KCNIP2: variants seen among roughly 807,000 people sequenced by gnomAD.
KCNIP2 encodes the protein A-type potassium channel modulatory protein KCNIP2.
Under a neutral mutation model 39.0 loss-of-function variants are expected in KCNIP2, and 19 were observed. The observed-to-expected ratio is 0.49, with a 90% CI of 0.34 to 0.71. The LOEUF (loss-of-function observed/expected upper bound fraction) is 0.71, where lower values mean the gene tolerates loss of function less well. Among genes scored for constraint, KCNIP2 ranks in the 30% least tolerant of loss-of-function variants. The probability of loss-of-function intolerance (pLI) is 0.01; values close to 1 mark genes in which losing one functional copy is unlikely to be tolerated. For synonymous variants in KCNIP2, 111 were observed against 131.2 expected (o/e 0.85, Z 1.05); for missense variants, 261 against 346.0 (o/e 0.75, Z 1.95).
intron 2 of KCNIP2, 107 bp from the exon 3 acceptor site, chr10:101,830,004 G>T: frequency 7.6e-7 from 1 of 1,309,516 alleles, no homozygotes. Flanking sequence ...CCCGTGCAAA[G>T]GCACACCCAA....
In KCNIP2 at chr10:101,838,461, A is replaced by G. The variant is rs2066227468; in HGVS notation, c.73+5035T>C. On this transcript the variant is annotated intron_variant, in intron 1 of 9. Coordinates refer to ENST00000356640, the MANE Select transcript of KCNIP2 (RefSeq NM_173191.3). This position sits in a 1 kb window ranked among gnomAD's most constrained non-coding sequence, Gnocchi z 4.0. The stretch of plus-strand genomic sequence containing the variant: ...GTTAACCCAGCCAGTGAAGACCTCA[A>G]AGCCCTTCTCTCAGTCCCCCAGACC... Among the ~76,000 whole-genome samples the G allele has an allele frequency of 6.6e-6, 1 of 151,820 alleles. No homozygotes were observed. The highest frequency in any genetic ancestry group is 1.5e-5 in the Non-Finnish European group (1 of 67,968).
At position 101,827,427 on chromosome 10, in the gene KCNIP2, A is replaced by G. The variant is rs760428658; in HGVS notation, c.766-27T>C. The G allele has an allele frequency of 1.9e-6, 3 of 1,594,314 alleles. No homozygotes were observed. In the South Asian group the frequency reaches 3.3e-5, roughly 18 times the overall value. ...TGTGGCCATGATGTGAGCGAGGCAGATTGAAGAGAGAGAAAGAGAAGGAGC... is the reference window on the plus strand; with the variant it reads ...TGTGGCCATGATGTGAGCGAGGCAGGTTGAAGAGAGAGAAAGAGAAGGAGC... On this transcript the variant is annotated intron_variant, in intron 9 of 9. Coordinates refer to ENST00000356640, the MANE Select transcript of KCNIP2 (RefSeq NM_173191.3).
intron 2 of KCNIP2, chr10:101,830,357 C>A: frequency 8.0e-7 from 1 of 1,245,584 alleles, no homozygotes; most frequent in Non-Finnish European, 1.0e-6. Context: ...GGGGCATAGG[C>A]AACACACATC....
Position 101,828,886 on chromosome 10 carries a change from C to T in KCNIP2, c.348+189G>A, listed in dbSNP as rs1221770693. ...CACAAATAAAAAACATGGAACGAAACTGACAGTCTACAGGCGCCACTTCCG... is the reference window on the plus strand; with the variant it reads ...CACAAATAAAAAACATGGAACGAAATTGACAGTCTACAGGCGCCACTTCCG... On this transcript the variant is annotated intron_variant, in intron 4 of 9. Coordinates refer to ENST00000356640, the MANE Select transcript of KCNIP2 (RefSeq NM_173191.3). The surrounding 1 kb of genome is among the most constrained non-coding windows in gnomAD (Gnocchi z 6.6). 4 of 1,542,514 alleles carry T rather than the reference C, an allele frequency of 2.6e-6. No individual in the cohort carries two copies. The highest frequency in any genetic ancestry group is 3.5e-6 in the Non-Finnish European group (4 of 1,143,288).
intron 1 of KCNIP2, among the ~76,000 whole-genome samples, chr10:101,840,954 C>T (rs2135211746): frequency 6.6e-6 from 1 of 152,354 alleles, no homozygotes. Flanking sequence ...CTCTCCGCAT[C>T]TTCTCTTGGC....
chr10:101,829,378 C>G (rs2065876146), intron 3 of KCNIP2, 179 bp from the exon 4 acceptor site: 1 of 761,244 alleles, frequency 1.3e-6, no homozygotes, highest in Admixed American at 3.3e-5. Flanking sequence ...TGATGGCCAT[C>G]TTCGAGGTCT....
In KCNIP2 at chr10:101,827,935, G is replaced by T; in HGVS notation, c.656C>A (p.Ala219Glu). ...TTCCCTTGGGGCCTCCTCCCGGAGT[G>T]CAGGGTACGTGTACTTGCCCATCAT... The part of the protein sequence containing the change: ...YDMMGKYTYP[A>E]LREEAPREHV... The change falls in exon 8 of 10, where the codon GCA becomes GAA. Residue 219 changes from alanine (A) to glutamate (E), a missense_variant. Coordinates refer to ENST00000356640, the MANE Select transcript of KCNIP2 (RefSeq NM_173191.3). The T allele has an allele frequency of 6.2e-7, 1 of 1,614,086 alleles. No individual in the cohort carries two copies.
chr10:101,830,187 G>C (rs190182205), intron 2 of KCNIP2, among the ~76,000 whole-genome samples: 1 of 152,312 alleles, frequency 6.6e-6, no homozygotes, highest in African/African-American at 2.4e-5. Flanking sequence ...GATCCTATGA[G>C]GTGGGCAAGG....
In KCNIP2 at chr10:101,827,243, C is replaced by G. The variant is rs1219703613; in HGVS notation, c.*110G>C. On this transcript the variant is annotated 3_prime_UTR_variant, in exon 10 of 10. Coordinates refer to ENST00000356640, the MANE Select transcript of KCNIP2 (RefSeq NM_173191.3). ...CCCAAGCTCTTGGATCCCTCCAGCC[C>G]CCAGGGAGGCGTAGGATGAGGATAG... 2.9e-6 allele frequency: 4 copies of G among 1,371,124 alleles called. No homozygotes were observed. The African/African-American group carries it at 4.4e-5, about 15-fold the overall frequency. The allele number at this position is 1,371,124 out of a possible 1,614,324, so 84.9% of individuals were successfully genotyped here. A position where few individuals can be genotyped will look rare whatever the true frequency, so the allele number is the denominator to read the frequency against.
At chr10:101,832,347 T>A (rs1279269111) in intron 1 of KCNIP2, among the ~76,000 whole-genome samples, 1 of 150,642 alleles carries the variant, frequency 6.6e-6, no homozygotes, top group Non-Finnish European at 1.5e-5. Flanking sequence ...TGTGTCTGTG[T>A]CTCCCAGCTG....
chr10:101,832,330 G>GTGTC (rs972174802), intron 1 of KCNIP2, among the ~76,000 whole-genome samples: 2 of 150,906 alleles, frequency 1.3e-5, no homozygotes, highest in African/African-American at 4.9e-5. Flanking sequence ...GTGTGTGTGT[G>GTGTC]TGTGTGTGTG....
chr10:101,826,834 CCA>C lies in KCNIP2; in HGVS notation c.*517_*518del, dbSNP rs2065762616. On this transcript the variant is annotated 3_prime_UTR_variant, in exon 10 of 10. Coordinates refer to ENST00000356640, the MANE Select transcript of KCNIP2 (RefSeq NM_173191.3). ...CAGGCCCTTCTATTCTCAACCCCAG[CCA>C]CCTCCTAGGACCTATCCATTGACTC... The C allele has an allele frequency of 6.5e-6, 1 of 153,346 alleles. No homozygotes were observed. Among genetic ancestry groups the C allele is most frequent in the East Asian group, 1.9e-4 (1 of 5,200 alleles). 9.5% of individuals were successfully genotyped at this position (153,346 alleles called of 1,614,324 possible). A position where few individuals can be genotyped will look rare whatever the true frequency, so the allele number is the denominator to read the frequency against.
chr10:101,826,769 G>C lies in KCNIP2; in HGVS notation c.*584C>G, dbSNP rs1336996602. 6.6e-6 allele frequency: 1 copy of C among 152,318 alleles called. No individual in the cohort carries two copies. Among genetic ancestry groups the C allele is most frequent in the Non-Finnish European group, 1.5e-5 (1 of 68,128 alleles). The allele number at this position is 152,318 out of a possible 1,614,324, so 9.4% of individuals were successfully genotyped here. On this transcript the variant is annotated 3_prime_UTR_variant, in exon 10 of 10. Transcript: ENST00000356640. ...CTGTGGTAGCAGACCTGTGGAACTT[G>C]GAGCTATAACCTGGTATGCCTGAGC...
chr10:101,828,759 C>A lies in KCNIP2; in HGVS notation c.349-63G>T. The A allele has an allele frequency of 1.2e-6, 2 of 1,613,042 alleles. No individual in the cohort carries two copies. Among genetic ancestry groups the A allele is most frequent in the Non-Finnish European group, 1.7e-6 (2 of 1,179,296 alleles). ...AATCCCCTTCCGTTCACCGCCCCCA[C>A]CCTCCATGGCCCAAGACTCCCAGGG... is the stretch of plus-strand genomic sequence containing the variant. On this transcript the variant is annotated intron_variant, in intron 4 of 9. Coordinates refer to ENST00000356640, the MANE Select transcript of KCNIP2 (RefSeq NM_173191.3). The surrounding 1 kb of genome is among the most constrained non-coding windows in gnomAD (Gnocchi z 6.6).
chr10:101,830,032 G>T, intron 2 of KCNIP2, 135 bp from the exon 3 acceptor site: 2 of 998,392 alleles, frequency 2.0e-6, no homozygotes, highest in Non-Finnish European at 3.0e-6. Context: ...AGACACACAC[G>T]AAACGGACCC....
chr10:101,835,398 TG>T (rs2066122253), intron 1 of KCNIP2, among the ~76,000 whole-genome samples: 1 of 152,048 alleles, frequency 6.6e-6, no homozygotes, highest in East Asian at 1.9e-4. Context: ...CAGGACCCTC[TG>T]GGGAGGGGAC....
At position 101,828,822 on chromosome 10, in the gene KCNIP2, G is replaced by C. The variant is rs1226773223; in HGVS notation, c.349-126C>G. 1 of 1,583,140 alleles carries C rather than the reference G, an allele frequency of 6.3e-7. No homozygotes were observed. The highest frequency in any genetic ancestry group is 1.8e-5 in the Admixed American group (1 of 54,344). On this transcript the variant is annotated intron_variant, in intron 4 of 9. Transcript: ENST00000356640. This position sits in a 1 kb window ranked among gnomAD's most constrained non-coding sequence, Gnocchi z 6.6. The stretch of plus-strand genomic sequence containing the variant: ...TTCAAGCCTCCAGAGGACTCACCAC[G>C]TGGCTCATGTGATGGGAGGGAAGAC...
Position 101,843,451 on chromosome 10 carries a change from A to C in KCNIP2, c.73+45T>G. 7.5e-7 allele frequency: 1 copy of C among 1,328,396 alleles called. No individual in the cohort carries two copies. The highest frequency in any genetic ancestry group is 1.0e-6 in the Non-Finnish European group (1 of 973,098). 82.3% of individuals were successfully genotyped at this position (1,328,396 alleles called of 1,614,324 possible). A position where few individuals can be genotyped will look rare whatever the true frequency, so the allele number is the denominator to read the frequency against. On this transcript the variant is annotated intron_variant, in intron 1 of 9. Coordinates refer to ENST00000356640, the MANE Select transcript of KCNIP2 (RefSeq NM_173191.3). This position sits in a 1 kb window ranked among gnomAD's most constrained non-coding sequence, Gnocchi z 6.7. ...CGGAGAGGCGGAAGGGTCTGGAGGA[A>C]TGGAATCCACCCTCCCTCCCGCGAC...
At chr10:101,841,322 G>C (rs545311083) in intron 1 of KCNIP2, among the ~76,000 whole-genome samples, 1 of 152,318 alleles carries the variant, frequency 6.6e-6, no homozygotes, top group African/African-American at 2.4e-5. Context: ...AGCCTGGCGC[G>C]CGCTTCAGCA....
Sources: allele counts gnomAD v4.1 joint callset (sites outside exome capture counted in the v4.1 genomes callset), GRCh38; gene constraint gnomAD v4.1.1; non-coding constraint Gnocchi (gnomAD v3.1); transcripts MANE v1.5; gene names NCBI Gene and HGNC (gene_info 2026-07-23, HGNC 2026-07-21).